LHX4: variants seen among roughly 807,000 people sequenced by gnomAD.
The protein encoded by LHX4 is LIM homeobox 4, also known as LIM/homeobox protein Lhx4.
A neutral mutation model predicts 39.2 loss-of-function variants in LHX4; 16 were observed. The observed-to-expected ratio is 0.41, with a 90% CI of 0.28 to 0.62. The LOEUF is 0.62. Ranked by LOEUF, LHX4 falls within the 20% of genes least tolerant of loss-of-function variation. The probability of loss-of-function intolerance (pLI) is 0.33; values close to 1 mark genes in which losing one functional copy is unlikely to be tolerated. For synonymous variants in LHX4, 206 were observed against 198.1 expected, an observed-to-expected ratio of 1.04 and a Z score of -0.33; for missense variants, 439 against 511.9, an observed-to-expected ratio of 0.86 and a Z score of 1.37.
chr1:180,274,709 C>G lies in LHX4; in HGVS notation c.*130C>G. 1.8e-6 allele frequency: 2 copies of G among 1,121,850 alleles called. No individual in the cohort carries two copies. Among genetic ancestry groups the G allele is most frequent in the South Asian group, 3.2e-5 (2 of 62,688 alleles). 69.5% of individuals were successfully genotyped at this position (1,121,850 alleles called of 1,614,324 possible). ...TCCATTATTTTCAATGGAAGTCCTC[C>G]GCTGATTCCTAGAAGGCTGTGAGAC... On this transcript the variant is annotated 3_prime_UTR_variant, in exon 6 of 6. Coordinates refer to ENST00000263726, the MANE Select transcript of LHX4 (RefSeq NM_033343.4).
In LHX4 at chr1:180,271,953, A is replaced by G. The variant is rs772800918; in HGVS notation, c.725A>G (p.Lys242Arg). The stretch of plus-strand genomic sequence containing the variant: ...AGCCGGGGCAGCAGCAAGCAGGAGA[A>G]GGAGAGCTCTGCAGAGGACTGTGGG... ...KRSRGSSKQE[K>R]ESSAEDCGVS... The change falls in exon 5 of 6, where the codon AAG (lysine) becomes AGG (arginine). Residue 242 changes from lysine to arginine, a missense_variant. Transcript: ENST00000263726. 2 of 1,613,156 alleles carry G rather than the reference A, an allele frequency of 1.2e-6. No individual in the cohort carries two copies. Among genetic ancestry groups the G allele is most frequent in the African/African-American group, 2.7e-5 (2 of 74,684 alleles).
At chr1:180,239,100 C>G (rs1300151825) in intron 1 of LHX4, among the ~76,000 whole-genome samples, 1 of 152,204 alleles carries the variant, frequency 6.6e-6, no homozygotes, top group African/African-American at 2.4e-5. Flanking sequence ...AACTATACCT[C>G]CGTTATAAAT....
intron 1 of LHX4, among the ~76,000 whole-genome samples, chr1:180,245,902 C>T (rs772896546): frequency 1.4e-4 from 22 of 152,130 alleles, no homozygotes; most frequent in Non-Finnish European, 2.5e-4. Flanking sequence ...GGTGGAAACC[C>T]CTGTGGCCGT....
At chr1:180,269,449 CAG>C (rs1648497446) in intron 3 of LHX4, among the ~76,000 whole-genome samples, 1 of 152,104 alleles carries the variant, frequency 6.6e-6, no homozygotes, top group Admixed American at 6.5e-5. Flanking sequence ...ATTATAATAA[CAG>C]TGAATGTTAA....
intron 2 of LHX4, among the ~76,000 whole-genome samples, chr1:180,251,394 C>T (rs910106929): frequency 2.0e-5 from 3 of 152,226 alleles, no homozygotes; most frequent in Non-Finnish European, 4.4e-5. Flanking sequence ...AGTCCAGCTC[C>T]GCGGCAGACA....
upstream of LHX4, among the ~76,000 whole-genome samples, chr1:180,230,090 G>A (rs1253461580): frequency 2.0e-5 from 3 of 151,834 alleles, no homozygotes; most frequent in African/African-American, 7.3e-5. This position sits in a 1 kb window ranked among gnomAD's most constrained non-coding sequence, Gnocchi z 5.8. Flanking sequence ...CCCGCCGCCG[G>A]GTTGGGGGAT....
At position 180,234,374 on chromosome 1, in the gene LHX4, TG is replaced by T. The variant is rs1664263415; in HGVS notation, c.76+3772del. On this transcript the variant is annotated intron_variant, in intron 1 of 5. Coordinates refer to ENST00000263726, the MANE Select transcript of LHX4 (RefSeq NM_033343.4). The surrounding 1 kb of genome is among the most constrained non-coding windows in gnomAD (Gnocchi z 4.8). ...TCCCCGCCGGCCGATTCGGGCCTGA[TG>T]GGTTGGGGGTTCCGATGTCCTAACT... is the stretch of plus-strand genomic sequence containing the variant. Among the ~76,000 whole-genome samples the T allele has an allele frequency of 6.6e-6, 1 of 151,772 alleles. No individual in the cohort carries two copies.
At position 180,274,589 on chromosome 1, in the gene LHX4, C is replaced by T. The variant is rs1211678501; in HGVS notation, c.*10C>T. ...TCATCCTCCTTTTTAAACTTCTCTC[C>T]TCCCCACCCTACCTGCCCCCCTGGC... On this transcript the variant is annotated 3_prime_UTR_variant, in exon 6 of 6. Coordinates refer to ENST00000263726, the MANE Select transcript of LHX4 (RefSeq NM_033343.4). 1.3e-6 allele frequency: 2 copies of T among 1,553,292 alleles called. No individual in the cohort carries two copies. Among genetic ancestry groups the T allele is most frequent in the African/African-American group, 1.4e-5 (1 of 74,002 alleles).
chr1:180,229,559 C>T (rs1664112084), upstream of LHX4, among the ~76,000 whole-genome samples: 1 of 152,112 alleles, frequency 6.6e-6, no homozygotes, highest in Non-Finnish European at 1.5e-5. Context: ...CTCAGCCAGA[C>T]GCGGGGGAGA....
chr1:180,272,112 T>A, intron 5 of LHX4, 106 bp downstream of exon 5: 1 of 998,006 alleles, frequency 1.0e-6, no homozygotes, highest in Non-Finnish European at 1.5e-6. Context: ...GGCAACTCCC[T>A]CCTGAACACA....
In LHX4 at chr1:180,248,289, T is replaced by G; in HGVS notation, c.81T>G (p.Ile27Met). The change falls in exon 2 of 6, where the codon ATT (isoleucine) becomes ATG (methionine). Residue 27 changes from isoleucine to methionine, a missense_variant. Transcript: ENST00000263726. ...PEMLGVPMQQ[I>M]PQCAGCNQHI... ...TCTCTCTCCTCTTCCTCACAGAGAT[T>G]CCCCAGTGCGCTGGCTGCAACCAGC... 12 of 1,614,060 alleles carry G rather than the reference T, an allele frequency of 7.4e-6. No homozygotes were observed. Among genetic ancestry groups the G allele is most frequent in the Non-Finnish European group, 1.0e-5 (12 of 1,180,008 alleles).
At chr1:180,249,802 C>T (rs1325995009) in intron 2 of LHX4, among the ~76,000 whole-genome samples, 1 of 152,190 alleles carries the variant, frequency 6.6e-6, no homozygotes, top group Admixed American at 6.5e-5. Context: ...GCTGCCTCCC[C>T]GCCTGTGTGC....
intron 1 of LHX4, among the ~76,000 whole-genome samples, chr1:180,238,590 T>C (rs1664378168): frequency 6.6e-6 from 1 of 152,234 alleles, no homozygotes; most frequent in African/African-American, 2.4e-5. Context: ...GCTGTCATCA[T>C]TGATGTTCAA....
rs1488092624 is a variant in LHX4, at chr1:180,232,682, T to TTGGAATGTGAA, written c.76+2082_76+2092dup. On this transcript the variant is annotated intron_variant, in intron 1 of 5. Transcript: ENST00000263726. This position sits in a 1 kb window ranked among gnomAD's most constrained non-coding sequence, Gnocchi z 5.4. ...TTCTGGATCCAGCTTTTATTTCCTCTTGGAATGTGAATGGATTGTAGCCTC... is the reference window on the plus strand; with the variant it reads ...TTCTGGATCCAGCTTTTATTTCCTCTTGGAATGTGAATGGAATGTGAATGGATTGTAGCCTC... 2.0e-5 allele frequency among the ~76,000 whole-genome samples: 3 copies of TTGGAATGTGAA among 152,348 alleles called. No individual in the cohort carries two copies. The East Asian group carries it at 5.8e-4, about 29-fold the overall frequency.
chr1:180,232,765 G>A lies in LHX4; in HGVS notation c.76+2160G>A, dbSNP rs4652487. ...CTGTTGGTGCTGGGACCGCGGGATA[G>A]GTCCCCATCACCCACATATACACAA... On this transcript the variant is annotated intron_variant, in intron 1 of 5. Transcript: ENST00000263726. The surrounding 1 kb of genome is among the most constrained non-coding windows in gnomAD (Gnocchi z 5.4). Among the ~76,000 whole-genome samples the A allele has an allele frequency of 0.16, 24,268 of 152,236 alleles. 2,225 individuals are homozygous for A. Among genetic ancestry groups the A allele is most frequent in the Non-Finnish European group, 0.21 (14,132 of 67,998 alleles).
Position 180,275,573 on chromosome 1 carries a change from T to C in LHX4, c.*994T>C, listed in dbSNP as rs1208747024. The C allele has an allele frequency of 6.6e-6, 1 of 152,052 alleles. No individual in the cohort carries two copies. Among genetic ancestry groups the C allele is most frequent in the South Asian group, 2.1e-4 (1 of 4,818 alleles). The allele number at this position is 152,052 out of a possible 1,614,324, so 9.4% of individuals were successfully genotyped here. Reference sequence around the variant, plus strand: ...ATATTTGGAGTCTGTTTTGAAGGAGTTGGTTTAGATGAGCTTGCAAGTCTA... The same window carrying C: ...ATATTTGGAGTCTGTTTTGAAGGAGCTGGTTTAGATGAGCTTGCAAGTCTA... On this transcript the variant is annotated 3_prime_UTR_variant, in exon 6 of 6. Coordinates refer to ENST00000263726, the MANE Select transcript of LHX4 (RefSeq NM_033343.4).
chr1:180,258,094 C>T (rs773196093), intron 2 of LHX4, among the ~76,000 whole-genome samples: 16 of 152,210 alleles, frequency 1.1e-4, no homozygotes, highest in Admixed American at 2.0e-4. Flanking sequence ...GTGAACAAGA[C>T]GGATAAAGAC....
intron 1 of LHX4, among the ~76,000 whole-genome samples, chr1:180,244,471 C>G (rs1219324766): frequency 1.3e-5 from 2 of 152,180 alleles, no homozygotes; most frequent in African/African-American, 2.4e-5. Context: ...GATGCTGTCT[C>G]TGCTTACAAG....
At chr1:180,259,403 C>T (rs1210904279) in intron 2 of LHX4, among the ~76,000 whole-genome samples, 1 of 151,074 alleles carries the variant, frequency 6.6e-6, no homozygotes, top group Non-Finnish European at 1.5e-5. Context: ...CTGGGAGTCT[C>T]ATTACGTGAG....
Sources: gnomAD v4.1 joint callset for allele counts (sites outside exome capture counted in the v4.1 genomes callset) on GRCh38, gnomAD v4.1.1 for gene constraint, Gnocchi (gnomAD v3.1) non-coding constraint, MANE v1.5 for transcripts, NCBI Gene and HGNC (gene_info 2026-07-23, HGNC 2026-07-21) for gene names.